PACRG: variants seen among roughly 807,000 people sequenced by gnomAD.
PACRG encodes parkin coregulated, also known as parkin coregulated gene protein.
PACRG carries 29 observed loss-of-function variants against 29.7 expected under a neutral mutation model. The ratio of observed to expected loss-of-function variants is 0.98; its 90% confidence interval spans 0.73 to 1.33. The LOEUF is 1.33. Among genes scored for constraint, PACRG ranks in the 40% most tolerant of loss-of-function variants. PACRG has a pLI of 0.00. For synonymous variants in PACRG, 116 were observed against 118.7 expected, an observed-to-expected ratio of 0.98 and a Z score of 0.15; for missense variants, 279 against 316.2, an observed-to-expected ratio of 0.88 and a Z score of 0.89.
At chr6:162,995,462 G>C (rs958967877) in intron 2 of PACRG, among the ~76,000 whole-genome samples, 7 of 152,234 alleles carry the variant, frequency 4.6e-5, no homozygotes, top group East Asian at 3.9e-4. Context: ...TTTTTAAGCC[G>C]GTCTGAAAAG....
intron 4 of PACRG, among the ~76,000 whole-genome samples, chr6:163,269,220 C>G (rs533222042): frequency 6.6e-5 from 10 of 152,284 alleles, no homozygotes; most frequent in African/African-American, 2.4e-4. Flanking sequence ...TTTTGCCCAT[C>G]CAGCACCTGG....
chr6:162,821,994 T>C (rs1438690143), intron 2 of PACRG, among the ~76,000 whole-genome samples: 1 of 152,224 alleles, frequency 6.6e-6, no homozygotes, highest in Non-Finnish European at 1.5e-5. Context: ...ACTTTTAGTC[T>C]ATTGAAGTTT....
chr6:162,828,473 T>C (rs895657258), intron 2 of PACRG, among the ~76,000 whole-genome samples: 5 of 152,202 alleles, frequency 3.3e-5, no homozygotes, highest in African/African-American at 1.2e-4. Context: ...ACTTACTGGG[T>C]GTCAGACCCT....
intron 4 of PACRG, among the ~76,000 whole-genome samples, chr6:163,109,036 C>CA: frequency 6.6e-6 from 1 of 152,322 alleles, no homozygotes; most frequent in Middle Eastern, 3.4e-3. Flanking sequence ...GTCAACCCTC[C>CA]AGTAGGCATG....
chr6:162,744,386 C>T (rs140044630), intron 1 of PACRG, among the ~76,000 whole-genome samples: 2 of 151,962 alleles, frequency 1.3e-5, no homozygotes, highest in African/African-American at 4.8e-5. Flanking sequence ...TTGCTTGAGG[C>T]TACAGTTCAA....
chr6:162,890,116 A>G (rs991808544), intron 2 of PACRG, among the ~76,000 whole-genome samples: 4 of 152,234 alleles, frequency 2.6e-5, no homozygotes, highest in South Asian at 2.1e-4. Context: ...TTGAGAGACT[A>G]TTGCCATCAA....
rs1321811735 is a variant in PACRG at position 162,995,327 on chromosome 6, C to T, written c.292-66823C>T. On this transcript the variant is annotated intron_variant, in intron 2 of 4. Coordinates refer to ENST00000366888, the MANE Select transcript of PACRG (RefSeq NM_001080379.2). ...AAGCAAGCCTGGGCAATGGCGGGCG[C>T]CCCTCCCCCAGCCTCGCTGCCGCCT... Among the ~76,000 whole-genome samples the T allele has an allele frequency of 5.3e-5, 8 of 151,012 alleles. No homozygotes were observed. The East Asian group carries it at 5.9e-4, about 11-fold the overall frequency.
At chr6:163,299,852 C>T (rs1356488887) in intron 4 of PACRG, among the ~76,000 whole-genome samples, 1 of 152,206 alleles carries the variant, frequency 6.6e-6, no homozygotes, top group Non-Finnish European at 1.5e-5. Flanking sequence ...ACACTCCAGC[C>T]TGGGCAACAG....
intron 2 of PACRG, among the ~76,000 whole-genome samples, chr6:162,838,921 C>CTCA (rs1789500894): frequency 6.8e-6 from 1 of 147,026 alleles, no homozygotes. Flanking sequence ...AGGACATGAA[C>CTCA]TCATCATTTT....
intron 2 of PACRG, among the ~76,000 whole-genome samples, chr6:162,918,479 C>T (rs1421582121): frequency 6.6e-6 from 1 of 152,142 alleles, no homozygotes; most frequent in Non-Finnish European, 1.5e-5. Flanking sequence ...TGCGCTGTGC[C>T]CAGTCTGCAA....
intron 2 of PACRG, among the ~76,000 whole-genome samples, chr6:162,860,005 A>G (rs1417355800): frequency 6.6e-6 from 1 of 151,200 alleles, no homozygotes; most frequent in Non-Finnish European, 1.5e-5. Flanking sequence ...TCTCCCCTAC[A>G]AGAGTAATGG....
intron 2 of PACRG, among the ~76,000 whole-genome samples, chr6:163,031,992 T>C (rs540310055): frequency 4.0e-4 from 61 of 152,356 alleles, no homozygotes; most frequent in African/African-American, 1.4e-3. Context: ...AACCAGTTTC[T>C]CCAATTGTGT....
intron 3 of PACRG, among the ~76,000 whole-genome samples, chr6:163,063,518 A>C (rs774073254): frequency 3.3e-5 from 5 of 152,224 alleles, no homozygotes; most frequent in Non-Finnish European, 5.9e-5. Flanking sequence ...AGTCTGGATT[A>C]TTTAATCGTA....
At chr6:162,923,614 T>C (rs1797219180) in intron 2 of PACRG, among the ~76,000 whole-genome samples, 2 of 152,158 alleles carry the variant, frequency 1.3e-5, no homozygotes, top group African/African-American at 2.4e-5. Flanking sequence ...GAAGAGTGTG[T>C]CATTTCCCCA....
intron 2 of PACRG, among the ~76,000 whole-genome samples, chr6:163,007,784 G>T (rs1243364983): frequency 6.6e-6 from 1 of 152,096 alleles, no homozygotes; most frequent in Non-Finnish European, 1.5e-5. Flanking sequence ...TCAGAGGTGG[G>T]ATCTCTGGGC....
intron 4 of PACRG, among the ~76,000 whole-genome samples, chr6:163,131,219 G>A (rs1364703127): frequency 2.0e-5 from 3 of 152,124 alleles, no homozygotes; most frequent in African/African-American, 4.8e-5. Flanking sequence ...GAGGCGGGAG[G>A]ATGGCGTGAA....
At chr6:163,127,367 C>A (rs983115401) in intron 4 of PACRG, among the ~76,000 whole-genome samples, 3 of 152,172 alleles carry the variant, frequency 2.0e-5, no homozygotes, top group African/African-American at 7.2e-5. Flanking sequence ...GGAAAATAGC[C>A]TGTGCTTTTA....
chr6:163,248,109 A>G (rs753575037), intron 4 of PACRG, among the ~76,000 whole-genome samples: 2 of 152,230 alleles, frequency 1.3e-5, no homozygotes, highest in Non-Finnish European at 2.9e-5. Context: ...AAGGGTCATC[A>G]ATATTTTGCA....
chr6:162,963,103 A>T (rs1167036810), intron 2 of PACRG, among the ~76,000 whole-genome samples: 1 of 152,230 alleles, frequency 6.6e-6, no homozygotes, highest in Non-Finnish European at 1.5e-5. Context: ...CTAAAAACTT[A>T]GTTATGAAAA....
Sources: gnomAD v4.1 joint callset for allele counts (sites outside exome capture counted in the v4.1 genomes callset) on GRCh38, gnomAD v4.1.1 for gene constraint, MANE v1.5 for transcripts, NCBI Gene and HGNC (gene_info 2026-07-23, HGNC 2026-07-21) for gene names.